The following SEMA3A variants were observed in gnomAD, a reference collection of about 807,000 sequenced individuals.
The protein encoded by SEMA3A is semaphorin 3A, also known as semaphorin-3A.
In SEMA3A, 29 loss-of-function variants were observed where a neutral mutation model predicts 97.9. The observed-to-expected ratio is 0.30, with a 90% CI of 0.22 to 0.40. The LOEUF (loss-of-function observed/expected upper bound fraction) is 0.40. Among genes scored for constraint, SEMA3A ranks in the 10% least tolerant of loss-of-function variants. SEMA3A has a pLI of 1.00. For synonymous variants in SEMA3A, 321 were observed against 323.7 expected (o/e 0.99, Z 0.09); for missense variants, 763 against 951.3 (o/e 0.80, Z 2.60).
At chr7:83,998,324 C>A (rs1364149574) in intron 12 of SEMA3A, among the ~76,000 whole-genome samples, 4 of 152,060 alleles carry the variant, frequency 2.6e-5, no homozygotes, top group African/African-American at 9.7e-5. Flanking sequence ...ATATTTTAGG[C>A]AATGATAACA....
chr7:84,453,239 C>CTTTTT (rs774894152), intron 1 of SEMA3A, among the ~76,000 whole-genome samples: 1 of 128,952 alleles, frequency 7.8e-6, no homozygotes, highest in Admixed American at 8.2e-5. Flanking sequence ...GACTTTGTTT[C>CTTTTT]TTTTTTTTTT....
intron 14 of SEMA3A, among the ~76,000 whole-genome samples, chr7:83,977,423 G>A (rs1473992548): frequency 6.6e-6 from 1 of 151,988 alleles, no homozygotes; most frequent in African/African-American, 2.4e-5. Context: ...AGATCCAAAT[G>A]TACTAACAAC....
At chr7:84,310,645 T>G (rs1243962834) in intron 2 of SEMA3A, among the ~76,000 whole-genome samples, 1 of 152,104 alleles carries the variant, frequency 6.6e-6, no homozygotes, top group East Asian at 1.9e-4. Context: ...GGGGCCGTAC[T>G]AAGAACAAAT....
chr7:83,969,843 G>A (rs1788849293), intron 15 of SEMA3A, among the ~76,000 whole-genome samples: 1 of 152,146 alleles, frequency 6.6e-6, no homozygotes. Flanking sequence ...GAACTGAGAA[G>A]TCATATGAGT....
chr7:84,053,837 G>GCCA (rs1792804597), intron 5 of SEMA3A, among the ~76,000 whole-genome samples: 1 of 101,650 alleles, frequency 9.8e-6, no homozygotes, highest in Non-Finnish European at 2.5e-5. Context: ...GCATGATTTT[G>GCCA]CAGTGGCTGG....
chr7:84,415,886 G>T (rs1804419706), intron 1 of SEMA3A, among the ~76,000 whole-genome samples: 1 of 152,006 alleles, frequency 6.6e-6, no homozygotes, highest in Non-Finnish European at 1.5e-5. Context: ...CTTGCAAGCT[G>T]TGTATCATTG....
At chr7:84,111,896 T>G (rs1041814253) in intron 3 of SEMA3A, among the ~76,000 whole-genome samples, 4 of 152,114 alleles carry the variant, frequency 2.6e-5, no homozygotes, top group Admixed American at 6.5e-5. Context: ...TTCACTTAAA[T>G]AGGGTACCTC....
intron 2 of SEMA3A, among the ~76,000 whole-genome samples, chr7:84,129,435 C>T (rs1795897341): frequency 1.3e-5 from 2 of 152,032 alleles, no homozygotes; most frequent in Admixed American, 1.3e-4. Flanking sequence ...CTGGTGTAGA[C>T]AATAGATCTA....
At chr7:84,161,840 A>T (rs1041597100) in intron 1 of SEMA3A, among the ~76,000 whole-genome samples, 3 of 152,208 alleles carry the variant, frequency 2.0e-5, no homozygotes, top group Non-Finnish European at 4.4e-5. Context: ...TATTTTTAAA[A>T]TATTCTAGAA....
chr7:84,216,698 A>T (rs886662478), intron 3 of SEMA3A, among the ~76,000 whole-genome samples: 1 of 152,128 alleles, frequency 6.6e-6, no homozygotes, highest in Non-Finnish European at 1.5e-5. Flanking sequence ...GGCTTTGTAC[A>T]GAGGTCCATA....
At chr7:84,427,527 G>A (rs1584317653) in intron 1 of SEMA3A, among the ~76,000 whole-genome samples, 1 of 150,912 alleles carries the variant, frequency 6.6e-6, no homozygotes, top group East Asian at 2.0e-4. Context: ...GGAGCCTGTA[G>A]TCCCAGCTAC....
At position 84,173,483 on chromosome 7, in the gene SEMA3A, C is replaced by T. The variant is rs887719937; in HGVS notation, c.112+20992G>A. On this transcript the variant is annotated intron_variant, in intron 1 of 16. Coordinates refer to ENST00000265362, the MANE Select transcript of SEMA3A (RefSeq NM_006080.3). The stretch of plus-strand genomic sequence containing the variant: ...CTGAGACAGGAGAATCGGTTGAACC[C>T]GGGAGGCGGAGGTTGCGGTGAGCCG... Among the ~76,000 whole-genome samples the T allele has an allele frequency of 8.3e-5, 12 of 143,826 alleles. No homozygotes were observed. In the East Asian group the frequency reaches 1.5e-3, roughly 17 times the overall value. 94.4% of individuals were successfully genotyped at this position (143,826 alleles called of 152,430 possible).
intron 3 of SEMA3A, among the ~76,000 whole-genome samples, chr7:84,214,947 C>A (rs1401748066): frequency 6.6e-6 from 1 of 151,456 alleles, no homozygotes; most frequent in Admixed American, 6.6e-5. Context: ...ATGATCCGCC[C>A]CCCCTTGGCC....
intron 4 of SEMA3A, among the ~76,000 whole-genome samples, chr7:84,086,815 T>C (rs1267781956): frequency 4.0e-5 from 6 of 151,392 alleles, no homozygotes; most frequent in South Asian, 4.1e-4. Context: ...AGCTTTCTGA[T>C]AGACTTCTTT....
At chr7:84,060,352 C>T in intron 5 of SEMA3A, 113 bp downstream of exon 5, 1 of 713,830 alleles carries the variant, frequency 1.4e-6, no homozygotes, top group South Asian at 2.0e-5. Context: ...AACTAATGTC[C>T]TTCTAAAACA....
At position 84,379,572 on chromosome 7, in the gene SEMA3A, T is replaced by A. The variant is rs185051863; in HGVS notation, c.-245-7672A>T. Among the ~76,000 whole-genome samples the A allele has an allele frequency of 7.5e-3, 1,147 of 152,288 alleles. 6 individuals are homozygous for A. The highest frequency in any genetic ancestry group is 0.012 in the Admixed American group (181 of 15,288). On this transcript the variant is annotated intron_variant, in intron 1 of 3. Transcript: ENST00000424555. ...TCTATAAAACATATGAACATAATTG[T>A]ATCTATTTATAAGAACAAAGCTTCA...
At chr7:84,358,931 G>A (rs1246522655) in intron 2 of SEMA3A, among the ~76,000 whole-genome samples, 1 of 151,792 alleles carries the variant, frequency 6.6e-6, no homozygotes, top group Non-Finnish European at 1.5e-5. Context: ...TGATTTGGCT[G>A]TTTGTCTGTT....
chr7:84,270,398 A>C (rs1401863619), intron 3 of SEMA3A, among the ~76,000 whole-genome samples: 1 of 151,908 alleles, frequency 6.6e-6, no homozygotes, highest in Non-Finnish European at 1.5e-5. Flanking sequence ...GAAAATGACA[A>C]GATGAATAAA....
intron 3 of SEMA3A, among the ~76,000 whole-genome samples, chr7:84,214,199 T>C (rs1023360895): frequency 3.9e-5 from 6 of 152,122 alleles, no homozygotes; most frequent in Admixed American, 3.9e-4. Context: ...AAAAAAATTA[T>C]CCCCATATTA....
Sources: gnomAD v4.1 joint callset for allele counts (sites outside exome capture counted in the v4.1 genomes callset) on GRCh38, gnomAD v4.1.1 for gene constraint, MANE v1.5 for transcripts, NCBI Gene and HGNC (gene_info 2026-07-23, HGNC 2026-07-21) for gene names.